The following AOPEP variants were observed in gnomAD, a reference collection of about 807,000 sequenced individuals.
AOPEP encodes the protein aminopeptidase O.
Under a neutral mutation model 98.1 loss-of-function variants are expected in AOPEP, and 77 were observed. The observed-to-expected ratio is 0.78, with a 90% confidence interval of 0.65 to 0.95. AOPEP has a LOEUF of 0.95. Among genes scored for constraint, AOPEP ranks in the 40% least tolerant of loss-of-function variants. The pLI, the probability that AOPEP is intolerant of heterozygous loss-of-function variation, is 0.00. For synonymous variants in AOPEP, 346 were observed against 365.3 expected, an observed-to-expected ratio of 0.95 and a Z score of 0.60; for missense variants, 1,024 against 1,024.7, an observed-to-expected ratio of 1.00 and a Z score of 0.01.
chr9:95,101,120 G>A, the AOPEP span: 67 of 241,518 alleles, frequency 2.8e-4, no homozygotes, highest in Admixed American at 6.5e-4. Context: ...GAAAGAGTGT[G>A]CCGGAGGCCC....
chr9:94,903,237 C>T (rs542487716), intron 5 of AOPEP, among the ~76,000 whole-genome samples: 4 of 151,938 alleles, frequency 2.6e-5, no homozygotes, highest in African/African-American at 9.6e-5. Flanking sequence ...CCTACCTCAA[C>T]CTCCCAAAGT....
At chr9:94,758,802 G>A (rs902162215) in intron 1 of AOPEP, among the ~76,000 whole-genome samples, 2 of 152,140 alleles carry the variant, frequency 1.3e-5, no homozygotes, top group Non-Finnish European at 2.9e-5. Flanking sequence ...TAGCCAGATT[G>A]CTAGTATACA....
intron 7 of AOPEP, 127 bp downstream of exon 7, chr9:94,928,658 C>T (rs567355121): frequency 5.6e-5 from 36 of 646,710 alleles, no homozygotes; most frequent in Non-Finnish European, 8.8e-5. Flanking sequence ...CTTCTTGTCC[C>T]CCAGATGTGA....
At chr9:95,058,659 G>C (rs1337154603) in intron 13 of AOPEP, among the ~76,000 whole-genome samples, 1 of 152,194 alleles carries the variant, frequency 6.6e-6, no homozygotes, top group Non-Finnish European at 1.5e-5. Flanking sequence ...TTGTGGCCTG[G>C]CCTGGGTACC....
intron 2 of AOPEP, among the ~76,000 whole-genome samples, chr9:94,762,544 T>C (rs1838592683): frequency 6.6e-6 from 1 of 152,220 alleles, no homozygotes; most frequent in Admixed American, 6.5e-5. Context: ...TTCTGATAAT[T>C]CAGTAAATAT....
At chr9:94,988,631 T>G (rs2060669764) in intron 11 of AOPEP, among the ~76,000 whole-genome samples, 1 of 152,154 alleles carries the variant, frequency 6.6e-6, no homozygotes, top group Admixed American at 6.5e-5. Context: ...ATGCAGCTAA[T>G]GGAGACAGTT....
the AOPEP span, chr9:95,099,417 G>C: frequency 8.8e-6 from 2 of 226,886 alleles, no homozygotes; most frequent in Non-Finnish European, 1.7e-5. Flanking sequence ...ACGCCGTCAA[G>C]GCCCCCTCGG....
Position 94,738,666 on chromosome 9 carries a change from C to T in AOPEP, c.-136+11915C>T, listed in dbSNP as rs756242896. On this transcript the variant is annotated intron_variant, in intron 1 of 16. Coordinates refer to ENST00000375315, the MANE Select transcript of AOPEP (RefSeq NM_001193329.3). ...TCCGCTCACTGCAAGTTCCGCTCCC[C>T]GGGTTCACACCATTCTCCCGCCTCA... Among the ~76,000 whole-genome samples, 8 of 152,308 alleles carry T rather than the reference C, an allele frequency of 5.3e-5. No homozygotes were observed. The East Asian group carries it at 5.8e-4, about 11-fold the overall frequency.
At chr9:94,947,653 C>G (rs888783785) in intron 7 of AOPEP, among the ~76,000 whole-genome samples, 1 of 152,194 alleles carries the variant, frequency 6.6e-6, no homozygotes, top group Non-Finnish European at 1.5e-5. Context: ...TTTTAATATG[C>G]CAAACACTGT....
chr9:94,994,841 C>T (rs1451584394), intron 11 of AOPEP, among the ~76,000 whole-genome samples: 3 of 152,134 alleles, frequency 2.0e-5, no homozygotes, highest in Non-Finnish European at 2.9e-5. Context: ...ATCCCAGCTA[C>T]TCGGGAGGCT....
chr9:95,058,319 T>C lies in AOPEP; in HGVS notation c.2116-2375T>C, dbSNP rs566455268. The stretch of plus-strand genomic sequence containing the variant: ...TAGACCAAATCCCAAATGAGAGTTC[T>C]AACAGTAGGCTTCTTTGTAAGCACA... On this transcript the variant is annotated intron_variant, in intron 13 of 16. Transcript: ENST00000375315. Among the ~76,000 whole-genome samples the C allele has an allele frequency of 4.6e-5, 7 of 152,366 alleles. No individual in the cohort carries two copies. In the South Asian group the frequency reaches 1.4e-3, roughly 32 times the overall value.
chr9:95,020,686 G>A (rs1260316162), intron 13 of AOPEP, among the ~76,000 whole-genome samples: 1 of 151,868 alleles, frequency 6.6e-6, no homozygotes, highest in Admixed American at 6.6e-5. Context: ...GGGAGGCTGA[G>A]GCAGGTGGAT....
chr9:94,799,788 G>A (rs1393256772), intron 4 of AOPEP, among the ~76,000 whole-genome samples: 1 of 152,054 alleles, frequency 6.6e-6, no homozygotes, highest in Non-Finnish European at 1.5e-5. Flanking sequence ...CTTGAACCTG[G>A]GAGGTGGAAG....
intron 5 of AOPEP, among the ~76,000 whole-genome samples, chr9:94,867,040 G>A (rs930259988): frequency 6.6e-6 from 1 of 152,210 alleles, no homozygotes; most frequent in African/African-American, 2.4e-5. Flanking sequence ...TCTCATTGCA[G>A]TGAAGATGAG....
intron 7 of AOPEP, among the ~76,000 whole-genome samples, chr9:94,941,095 T>C (rs2137456290): frequency 6.6e-6 from 1 of 152,146 alleles, no homozygotes; most frequent in Non-Finnish European, 1.5e-5. Flanking sequence ...TCGCTAGAGG[T>C]AAGAATTGAA....
intron 11 of AOPEP, among the ~76,000 whole-genome samples, chr9:95,000,006 C>T (rs2061461255): frequency 6.6e-6 from 1 of 152,144 alleles, no homozygotes; most frequent in South Asian, 2.1e-4. Context: ...TGGTTCACTG[C>T]AGAACCATAG....
chr9:94,774,052 C>A (rs1326480753), intron 3 of AOPEP, among the ~76,000 whole-genome samples: 2 of 152,040 alleles, frequency 1.3e-5, no homozygotes, highest in Non-Finnish European at 2.9e-5. Context: ...CTGTGCCTGG[C>A]CAGGAAACAT....
chr9:94,947,194 G>T (rs1183060197), intron 7 of AOPEP, among the ~76,000 whole-genome samples: 2 of 151,912 alleles, frequency 1.3e-5, no homozygotes, highest in East Asian at 3.9e-4. Flanking sequence ...TGTTAGCCAG[G>T]ATGGTCTCAA....
chr9:94,741,476 T>G (rs1833101407), intron 1 of AOPEP, among the ~76,000 whole-genome samples: 1 of 152,088 alleles, frequency 6.6e-6, no homozygotes, highest in African/African-American at 2.4e-5. Flanking sequence ...TTTCACCGTG[T>G]TAGCCAGGAT....
Sources: gnomAD v4.1 joint callset for allele counts (sites outside exome capture counted in the v4.1 genomes callset) on GRCh38, gnomAD v4.1.1 for gene constraint, MANE v1.5 for transcripts, NCBI Gene and HGNC (gene_info 2026-07-23, HGNC 2026-07-21) for gene names.